The following STARD13 variants were observed in gnomAD, a reference collection of about 807,000 sequenced individuals.
STARD13 encodes stAR-related lipid transfer protein 13.
Under a neutral mutation model 106.4 loss-of-function variants are expected in STARD13, and 62 were observed. That is an observed-to-expected ratio of 0.58 (90% CI 0.48 to 0.72). The LOEUF is 0.72. Ranked by LOEUF, STARD13 falls within the 30% of genes least tolerant of loss-of-function variation. The pLI, the probability that STARD13 is intolerant of heterozygous loss-of-function variation, is 0.00. For synonymous variants in STARD13, 565 were observed against 553.0 expected, an observed-to-expected ratio of 1.02 and a Z score of -0.31; for missense variants, 1,387 against 1,424.0, an observed-to-expected ratio of 0.97 and a Z score of 0.42.
the STARD13 span, among the ~76,000 whole-genome samples, chr13:33,631,627 T>C: frequency 1.3e-5 from 2 of 152,208 alleles, no homozygotes; most frequent in Non-Finnish European, 1.5e-5. Flanking sequence ...AAGATTTGTG[T>C]TTGTTTATTT....
chr13:33,635,408 C>CCAG, the STARD13 span, among the ~76,000 whole-genome samples: 1 of 152,174 alleles, frequency 6.6e-6, no homozygotes, highest in African/African-American at 2.4e-5. Context: ...GCCTGTAATC[C>CCAG]CAGCACTTTG....
chr13:33,632,246 C>T, the STARD13 span, among the ~76,000 whole-genome samples: 13 of 152,252 alleles, frequency 8.5e-5, no homozygotes, highest in African/African-American at 3.1e-4. Context: ...ATTTCCTGAG[C>T]CATTCCTCTT....
At chr13:33,574,907 C>A in the STARD13 span, among the ~76,000 whole-genome samples, 1 of 148,120 alleles carries the variant, frequency 6.8e-6, no homozygotes, top group African/African-American at 2.5e-5. Flanking sequence ...ATGTTATATG[C>A]ATCTACTTTT....
At chr13:33,285,087 C>T (rs1369933563) in intron 1 of STARD13, among the ~76,000 whole-genome samples, 1 of 152,104 alleles carries the variant, frequency 6.6e-6, no homozygotes, top group South Asian at 2.1e-4. Flanking sequence ...GACATTAGTC[C>T]CTCGCCTCCT....
intron 1 of STARD13, among the ~76,000 whole-genome samples, chr13:33,319,122 A>C (rs1178702639): frequency 2.0e-5 from 3 of 152,232 alleles, no homozygotes; most frequent in Non-Finnish European, 2.9e-5. Context: ...TATTCATCGT[A>C]GCTAAAATGT....
chr13:33,128,100 C>G (rs532918445), intron 5 of STARD13, among the ~76,000 whole-genome samples: 1 of 151,292 alleles, frequency 6.6e-6, no homozygotes, highest in Non-Finnish European at 1.5e-5. Flanking sequence ...GAGCAAGAGA[C>G]AGAGAGAGGG....
the STARD13 span, among the ~76,000 whole-genome samples, chr13:33,372,253 G>A: frequency 6.6e-6 from 1 of 152,228 alleles, no homozygotes; most frequent in South Asian, 2.1e-4. Context: ...TCATAATGAA[G>A]GGCTAAGTAT....
At chr13:33,540,905 G>A in the STARD13 span, among the ~76,000 whole-genome samples, 1 of 152,210 alleles carries the variant, frequency 6.6e-6, no homozygotes, top group African/African-American at 2.4e-5. Context: ...CCACCCAACA[G>A]TTAACAGGCT....
At chr13:33,507,408 T>C in the STARD13 span, among the ~76,000 whole-genome samples, 1 of 152,172 alleles carries the variant, frequency 6.6e-6, no homozygotes, top group Admixed American at 6.5e-5. Flanking sequence ...AATAAAATTA[T>C]GAAACAATTT....
chr13:33,368,524 G>A, the STARD13 span, among the ~76,000 whole-genome samples: 1 of 152,068 alleles, frequency 6.6e-6, no homozygotes, highest in Non-Finnish European at 1.5e-5. Context: ...TTTTTAGCAA[G>A]AAACAGCAGC....
At chr13:33,141,012 G>A (rs1029856707) in intron 4 of STARD13, among the ~76,000 whole-genome samples, 1 of 152,104 alleles carries the variant, frequency 6.6e-6, no homozygotes. Context: ...CCTGTCTTGG[G>A]CTCCCAAATT....
At chr13:33,168,141 A>C (rs1883549071) in intron 1 of STARD13, among the ~76,000 whole-genome samples, 1 of 152,138 alleles carries the variant, frequency 6.6e-6, no homozygotes, top group South Asian at 2.1e-4. Context: ...GCTAAAATCC[A>C]GTGTATTATT....
the STARD13 span, among the ~76,000 whole-genome samples, chr13:33,446,425 G>GA: frequency 2.4e-4 from 34 of 143,808 alleles, no homozygotes; most frequent in African/African-American, 4.8e-4. Context: ...AAGCTAAAAA[G>GA]AAAAAAAAAA....
At chr13:33,164,616 A>G (rs1005017910) in intron 3 of STARD13, among the ~76,000 whole-genome samples, 5 of 152,180 alleles carry the variant, frequency 3.3e-5, no homozygotes, top group Non-Finnish European at 7.3e-5. Flanking sequence ...GCAGCATTTA[A>G]TTCTTCAGGA....
At chr13:33,488,026 T>C in the STARD13 span, among the ~76,000 whole-genome samples, 1 of 152,196 alleles carries the variant, frequency 6.6e-6, no homozygotes, top group South Asian at 2.1e-4. Flanking sequence ...CCATTCTTCC[T>C]TGGCTTCTAT....
the STARD13 span, among the ~76,000 whole-genome samples, chr13:33,481,659 G>C: frequency 1.3e-5 from 2 of 152,152 alleles, no homozygotes; most frequent in African/African-American, 4.8e-5. Context: ...GGTGGAAAGA[G>C]AGAAGTAGTC....
At chr13:33,635,689 A>C in the STARD13 span, among the ~76,000 whole-genome samples, 6 of 151,012 alleles carry the variant, frequency 4.0e-5, no homozygotes, top group African/African-American at 1.5e-4. Context: ...AACAAAAAAA[A>C]CACTTAGCAC....
At chr13:33,338,747 G>A (rs1293408594) in intron 1 of STARD13, among the ~76,000 whole-genome samples, 1 of 151,988 alleles carries the variant, frequency 6.6e-6, no homozygotes, top group Non-Finnish European at 1.5e-5. Context: ...AGCCAGGCGT[G>A]GTGGCATGTG....
At chr13:33,259,180 C>T (rs1005099801) in intron 1 of STARD13, among the ~76,000 whole-genome samples, 4 of 152,184 alleles carry the variant, frequency 2.6e-5, no homozygotes, top group African/African-American at 9.7e-5. Context: ...TTGTCTTGCC[C>T]AGCATCTAAC....
Sources: gnomAD v4.1 joint callset for allele counts (sites outside exome capture counted in the v4.1 genomes callset) on GRCh38, gnomAD v4.1.1 for gene constraint, MANE v1.5 for transcripts, NCBI Gene and HGNC (gene_info 2026-07-23, HGNC 2026-07-21) for gene names.